The following FGGY variants were observed in gnomAD, a reference collection of about 807,000 sequenced individuals.
FGGY encodes FGGY carbohydrate kinase domain containing.
In FGGY, 72 loss-of-function variants were observed where a neutral mutation model predicts 71.3. That is an observed-to-expected ratio of 1.01 (90% CI 0.84 to 1.23). FGGY has a LOEUF of 1.23. Among genes scored for constraint, FGGY ranks in the 50% most tolerant of loss-of-function variants. The pLI is 0.00. For synonymous variants in FGGY, 251 were observed against 250.3 expected, an observed-to-expected ratio of 1.00 and a Z score of -0.02; for missense variants, 668 against 682.3, an observed-to-expected ratio of 0.98 and a Z score of 0.23.
At chr1:59,628,763 G>T (rs2096882159) in intron 10 of FGGY, among the ~76,000 whole-genome samples, 1 of 152,128 alleles carries the variant, frequency 6.6e-6, no homozygotes, top group African/African-American at 2.4e-5. Context: ...AGCTAGCACA[G>T]GACAAAAGAG....
At chr1:59,344,305 G>GTT (rs541804255) in intron 3 of FGGY, among the ~76,000 whole-genome samples, 6 of 140,028 alleles carry the variant, frequency 4.3e-5, no homozygotes, top group African/African-American at 1.3e-4. Context: ...TTTTTTTGTT[G>GTT]TTTTTTTTTT....
chr1:59,352,324 G>T (rs1191405701), intron 4 of FGGY, among the ~76,000 whole-genome samples: 2 of 152,186 alleles, frequency 1.3e-5, no homozygotes, highest in African/African-American at 4.8e-5. Context: ...GCTTGTAGGG[G>T]CTACATGGAG....
At chr1:59,612,730 A>G (rs866251510) in intron 9 of FGGY, among the ~76,000 whole-genome samples, 50 of 152,310 alleles carry the variant, frequency 3.3e-4, no homozygotes, top group Middle Eastern at 3.4e-3. Context: ...AGACCCATCC[A>G]TGTGCTGTAT....
At chr1:59,302,521 G>A (rs555910346) in intron 1 of FGGY, among the ~76,000 whole-genome samples, 2 of 152,148 alleles carry the variant, frequency 1.3e-5, no homozygotes, top group Admixed American at 1.3e-4. Flanking sequence ...AGCATGGATG[G>A]AGCAAGCTGG....
chr1:59,378,219 C>T (rs1251571082), intron 4 of FGGY, among the ~76,000 whole-genome samples: 1 of 152,124 alleles, frequency 6.6e-6, no homozygotes, highest in Non-Finnish European at 1.5e-5. Context: ...ATAATTCTCT[C>T]ATGTTGTGGG....
At position 59,743,451 on chromosome 1, in the gene FGGY, T is replaced by G. The variant is rs145637888; in HGVS notation, c.1513-14480T>G. Among the ~76,000 whole-genome samples the G allele has an allele frequency of 4.1e-3, 629 of 152,334 alleles. 2 individuals are homozygous for G. The highest frequency in any genetic ancestry group is 0.014 in the African/African-American group (596 of 41,578). On this transcript the variant is annotated intron_variant, in intron 14 of 15. Transcript: ENST00000303721. ...GCACACAATAAGTACTCAATAAGTA[T>G]TTGGTTGCACAATAAAAATGACATT... is the stretch of plus-strand genomic sequence containing the variant.
At chr1:59,477,558 G>C (rs2093317203) in intron 6 of FGGY, among the ~76,000 whole-genome samples, 3 of 152,238 alleles carry the variant, frequency 2.0e-5, no homozygotes, top group Admixed American at 2.0e-4. Context: ...CTACCCATCT[G>C]TTCTTGTGGT....
intron 12 of FGGY, among the ~76,000 whole-genome samples, chr1:59,665,969 G>T (rs563271435): frequency 1.3e-5 from 2 of 152,106 alleles, no homozygotes; most frequent in Admixed American, 1.3e-4. Context: ...CACCGCGCCC[G>T]GCCCAAAACC....
intron 14 of FGGY, among the ~76,000 whole-genome samples, chr1:59,679,046 G>C (rs747218701): frequency 6.6e-6 from 1 of 152,198 alleles, no homozygotes; most frequent in Non-Finnish European, 1.5e-5. Flanking sequence ...TAAGTGGCCA[G>C]TTGAGAGCTG....
chr1:59,310,655 G>A (rs2044150198), intron 1 of FGGY, among the ~76,000 whole-genome samples: 1 of 152,166 alleles, frequency 6.6e-6, no homozygotes, highest in Non-Finnish European at 1.5e-5. Flanking sequence ...TGTCCGTTGG[G>A]TTTGTAGAAG....
intron 14 of FGGY, among the ~76,000 whole-genome samples, chr1:59,707,306 A>G (rs750225205): frequency 3.3e-5 from 5 of 152,214 alleles, no homozygotes; most frequent in Non-Finnish European, 5.9e-5. Context: ...CTGGGATTTG[A>G]GCCCAAGTCT....
intron 8 of FGGY, among the ~76,000 whole-genome samples, chr1:59,604,867 G>A (rs995049538): frequency 1.1e-4 from 17 of 152,206 alleles, no homozygotes; most frequent in Admixed American, 3.3e-4. Context: ...GTCCTAAGTG[G>A]TAATGAATAT....
Position 59,746,021 on chromosome 1 carries a change from T to G in FGGY, c.1513-11910T>G, listed in dbSNP as rs145658648. Among the ~76,000 whole-genome samples the G allele has an allele frequency of 4.6e-5, 7 of 152,266 alleles. No individual in the cohort carries two copies. In the East Asian group the frequency reaches 1.4e-3, roughly 29 times the overall value. On this transcript the variant is annotated intron_variant, in intron 14 of 15. Coordinates refer to ENST00000303721, the MANE Select transcript of FGGY (RefSeq NM_018291.5). ...TGAAGGTCCCGGAGGTGGAAACATT[T>G]TGAAACCGTCTAACAGTGGAACATT...
intron 14 of FGGY, among the ~76,000 whole-genome samples, chr1:59,728,876 T>G (rs2097985928): frequency 6.6e-6 from 1 of 152,152 alleles, no homozygotes; most frequent in African/African-American, 2.4e-5. Context: ...TTTTCATATT[T>G]ATTCTACTTT....
At chr1:59,398,419 A>G (rs796220999) in intron 5 of FGGY, among the ~76,000 whole-genome samples, 22 of 152,168 alleles carry the variant, frequency 1.4e-4, no homozygotes, top group African/African-American at 5.3e-4. Context: ...TTGTATTTTT[A>G]GTAGAGATGG....
intron 10 of FGGY, 108 bp downstream of exon 10, chr1:59,626,157 C>G: frequency 1.2e-6 from 1 of 805,400 alleles, no homozygotes; most frequent in South Asian, 1.7e-5. Flanking sequence ...ATGAAAATGC[C>G]TGTTAGTGCT....
At chr1:59,613,975 A>G (rs1330082999) in intron 9 of FGGY, among the ~76,000 whole-genome samples, 2 of 152,226 alleles carry the variant, frequency 1.3e-5, no homozygotes, top group African/African-American at 4.8e-5. Flanking sequence ...GAATAGACCA[A>G]TAACAGGCTC....
At chr1:59,443,795 G>A (rs1416229606) in intron 5 of FGGY, among the ~76,000 whole-genome samples, 2 of 152,126 alleles carry the variant, frequency 1.3e-5, no homozygotes, top group Non-Finnish European at 2.9e-5. Context: ...TGTCTCTTCT[G>A]AGTGACACTG....
chr1:59,762,066 ATTTTTT>A (rs3990362), intron 15 of FGGY, among the ~76,000 whole-genome samples: 26 of 141,434 alleles, frequency 1.8e-4, no homozygotes, highest in Admixed American at 2.8e-4. Context: ...TCATTTAGGA[ATTTTTT>A]TTTTTTTTTT....
Sources: allele counts gnomAD v4.1 joint callset (sites outside exome capture counted in the v4.1 genomes callset), GRCh38; gene constraint gnomAD v4.1.1; transcripts MANE v1.5; gene names NCBI Gene and HGNC (gene_info 2026-07-23, HGNC 2026-07-21).